DPYD: variants seen among roughly 807,000 people sequenced by gnomAD.
DPYD encodes dihydropyrimidine dehydrogenase [NADP(+)].
DPYD carries 109 observed loss-of-function variants against 116.2 expected under a neutral mutation model. The ratio of observed to expected loss-of-function variants is 0.94; its 90% confidence interval spans 0.80 to 1.10. The LOEUF is 1.10. Among genes scored for constraint, DPYD ranks in the 50% least tolerant of loss-of-function variants. DPYD has a pLI of 0.00. For synonymous variants in DPYD, 440 were observed against 432.0 expected, an observed-to-expected ratio of 1.02 and a Z score of -0.23; for missense variants, 1,302 against 1,254.5, an observed-to-expected ratio of 1.04 and a Z score of -0.57.
At chr1:97,335,301 C>CAT (rs1669228891) in intron 16 of DPYD, among the ~76,000 whole-genome samples, 1 of 39,070 alleles carries the variant, frequency 2.6e-5, no homozygotes, top group African/African-American at 1.1e-4. Context: ...GAGTTAAGTA[C>CAT]ACACACACAC....
intron 2 of DPYD, chr1:97,856,907 G>C (rs1335013573): frequency 6.6e-6 from 1 of 152,284 alleles, no homozygotes; most frequent in Non-Finnish European, 1.5e-5. Context: ...CTGATGTGGA[G>C]TTTCTGGTTC....
chr1:97,911,916 G>A (rs1397835958), intron 1 of DPYD, among the ~76,000 whole-genome samples: 5 of 151,972 alleles, frequency 3.3e-5, no homozygotes, highest in Non-Finnish European at 5.9e-5. Context: ...TTTTCTCCCA[G>A]GGCAGAAAAA....
At chr1:97,484,226 G>C (rs1277691313) in intron 13 of DPYD, among the ~76,000 whole-genome samples, 5 of 152,284 alleles carry the variant, frequency 3.3e-5, no homozygotes, top group South Asian at 2.1e-4. Context: ...ATCGTTTGAA[G>C]CCGGGAGGTG....
intron 20 of DPYD, among the ~76,000 whole-genome samples, chr1:97,180,051 C>T (rs12041436): frequency 0.14 from 21,333 of 151,952 alleles, 1,700 homozygotes; most frequent in East Asian, 0.28. Flanking sequence ...GTTTTGGTAA[C>T]GCTGTTCAAT....
chr1:97,331,857 G>A (rs1258077189), intron 16 of DPYD, among the ~76,000 whole-genome samples: 2 of 152,100 alleles, frequency 1.3e-5, no homozygotes, highest in Admixed American at 6.6e-5. Context: ...AATTCCACTT[G>A]GAAGCTATAT....
intron 12 of DPYD, among the ~76,000 whole-genome samples, chr1:97,538,867 C>A (rs771414873): frequency 3.3e-5 from 5 of 152,056 alleles, no homozygotes; most frequent in Non-Finnish European, 5.9e-5. Context: ...TTCTGCCTCA[C>A]AAGTTAGTTT....
chr1:97,542,799 T>G (rs185663636), intron 12 of DPYD, among the ~76,000 whole-genome samples: 1 of 137,866 alleles, frequency 7.3e-6, no homozygotes, highest in Non-Finnish European at 1.5e-5. Context: ...ATGAATGAAT[T>G]AATTAATGCA....
At chr1:97,547,079 T>C (rs979311178) in intron 12 of DPYD, 2 of 949,826 alleles carry the variant, frequency 2.1e-6, no homozygotes, top group Non-Finnish European at 3.4e-6. Context: ...TGTAGTTTTT[T>C]TACTCTAGAA....
chr1:97,675,143 G>C (rs1042565976), intron 8 of DPYD, among the ~76,000 whole-genome samples: 1 of 151,988 alleles, frequency 6.6e-6, no homozygotes, highest in African/African-American at 2.4e-5. Flanking sequence ...ATTATTTTCT[G>C]GTTATTTTTA....
At chr1:97,139,072 T>C (rs1395634236) in intron 20 of DPYD, among the ~76,000 whole-genome samples, 1 of 152,218 alleles carries the variant, frequency 6.6e-6, no homozygotes, top group Non-Finnish European at 1.5e-5. Context: ...CTGCCAGAAT[T>C]GGATATTTCT....
intron 20 of DPYD, among the ~76,000 whole-genome samples, chr1:97,192,224 G>A (rs141598002): frequency 8.0e-4 from 121 of 152,006 alleles, no homozygotes; most frequent in Non-Finnish European, 1.5e-3. Flanking sequence ...CCCTAACCCA[G>A]TCATCCAAGG....
At chr1:97,472,730 C>G (rs1434780088) in intron 13 of DPYD, among the ~76,000 whole-genome samples, 1 of 152,074 alleles carries the variant, frequency 6.6e-6, no homozygotes, top group African/African-American at 2.4e-5. Context: ...AAAACCATAA[C>G]CTTTTCTCAA....
chr1:97,423,429 C>T (rs1294358646), intron 14 of DPYD, among the ~76,000 whole-genome samples: 2 of 151,978 alleles, frequency 1.3e-5, no homozygotes, highest in Non-Finnish European at 2.9e-5. Context: ...CCTTTCAGAC[C>T]TGATATTATC....
chr1:97,789,418 C>G (rs888441121), intron 3 of DPYD, among the ~76,000 whole-genome samples: 1 of 152,114 alleles, frequency 6.6e-6, no homozygotes, highest in East Asian at 1.9e-4. Context: ...GCATTTCTTT[C>G]TTTTGCAAAA....
intron 8 of DPYD, among the ~76,000 whole-genome samples, chr1:97,659,977 A>G (rs1452037382): frequency 3.3e-5 from 5 of 152,110 alleles, no homozygotes; most frequent in Non-Finnish European, 7.4e-5. Context: ...AATGCCCTAT[A>G]TTCTTTCCAA....
At chr1:97,751,353 CAT>C (rs1228046504) in intron 3 of DPYD, among the ~76,000 whole-genome samples, 2 of 139,744 alleles carry the variant, frequency 1.4e-5, no homozygotes, top group South Asian at 2.3e-4. Context: ...TACATATATA[CAT>C]ATATATAAAC....
chr1:97,856,627 G>A (rs1670858839), intron 2 of DPYD: 1 of 152,192 alleles, frequency 6.6e-6, no homozygotes, highest in Admixed American at 6.5e-5. Context: ...AGAGACTTCT[G>A]AGGACCACCA....
At chr1:97,628,095 G>A (rs1657040103) in intron 8 of DPYD, among the ~76,000 whole-genome samples, 1 of 151,988 alleles carries the variant, frequency 6.6e-6, no homozygotes, top group Non-Finnish European at 1.5e-5. Context: ...CTGCCTGGAT[G>A]TTGGGGGAAA....
At chr1:97,896,520 G>C (rs989054873) in intron 1 of DPYD, among the ~76,000 whole-genome samples, 1 of 151,736 alleles carries the variant, frequency 6.6e-6, no homozygotes, top group Non-Finnish European at 1.5e-5. Flanking sequence ...CATAGGTAAA[G>C]TATTACTTTT....
Sources: gnomAD v4.1 joint callset for allele counts (sites outside exome capture counted in the v4.1 genomes callset) on GRCh38, gnomAD v4.1.1 for gene constraint, MANE v1.5 for transcripts, NCBI Gene and HGNC (gene_info 2026-07-23, HGNC 2026-07-21) for gene names.